Variants in NLRC3 observed in about 807,000 individuals in gnomAD.
NLRC3 encodes NLR family CARD domain-containing protein 3.
In NLRC3, 87 loss-of-function variants were observed where a neutral mutation model predicts 91.6. That is an observed-to-expected ratio of 0.95 (90% CI 0.80 to 1.14). The LOEUF is 1.14. Among genes scored for constraint, NLRC3 ranks in the 50% most tolerant of loss-of-function variants. The pLI is 0.00. For missense variants in NLRC3, 1,577 were observed against 1,418.6 expected (o/e 1.11, Z -1.79); for synonymous variants, 694 against 625.3 (o/e 1.11, Z -1.64).
chr16:3,574,906 G>C (rs1310705857), intron 1 of NLRC3, among the ~76,000 whole-genome samples: 1 of 152,164 alleles, frequency 6.6e-6, no homozygotes, highest in Non-Finnish European at 1.5e-5. Flanking sequence ...AGGCTGCAGT[G>C]AGCCAAGATC....
intron 6 of NLRC3, among the ~76,000 whole-genome samples, chr16:3,558,235 T>G (rs1367360576): frequency 6.6e-6 from 1 of 152,072 alleles, no homozygotes; most frequent in African/African-American, 2.4e-5. Flanking sequence ...CTTGGGAGGC[T>G]GAGGAGGGAG....
chr16:3,556,986 C>G lies in NLRC3; in HGVS notation c.2108G>C (p.Gly703Ala), dbSNP rs759172440. Reference sequence around the variant, plus strand: ...GGCCCCTTGTGGTCCAATGGAGTTACCGCGGAGGCTGAAGGAAGAGAGAAA... The same window carrying G: ...GGCCCCTTGTGGTCCAATGGAGTTAGCGCGGAGGCTGAAGGAAGAGAGAAA... The part of the protein sequence containing the change: ...NRSLTSLDLR[G>A]NSIGPQGAKA... Residue 703 changes from glycine to alanine, a missense_variant, in exon 8 of 20, where the codon GGT becomes GCT. Transcript: ENST00000359128. 1 of 1,612,648 alleles carries G rather than the reference C, an allele frequency of 6.2e-7. No individual in the cohort carries two copies. Among genetic ancestry groups the G allele is most frequent in the South Asian group, 1.1e-5 (1 of 91,038 alleles).
At chr16:3,565,713 T>G (rs2039853039) in intron 2 of NLRC3, among the ~76,000 whole-genome samples, 1 of 152,046 alleles carries the variant, frequency 6.6e-6, no homozygotes, top group African/African-American at 2.4e-5. Flanking sequence ...ATTATCATTA[T>G]ACATTTGTCC....
rs954914913 is a variant in NLRC3 at position 3,564,683 on chromosome 16, T to C, written c.254A>G (p.His85Arg). The C allele has an allele frequency of 1.2e-6, 2 of 1,602,776 alleles. No individual in the cohort carries two copies. The highest frequency in any genetic ancestry group is 1.7e-6 in the Non-Finnish European group (2 of 1,179,194). Residue 85 changes from histidine to arginine, a missense_variant, in exon 5 of 20, where the codon CAC (histidine) becomes CGC (arginine). Coordinates refer to ENST00000359128, the MANE Select transcript of NLRC3 (RefSeq NM_178844.4). This position sits in a 1 kb window ranked among gnomAD's most constrained non-coding sequence, Gnocchi z 5.9. The part of the protein sequence containing the change: ...GGGPELGGPW[H>R]RLASLLLVEG... Reference sequence around the variant, plus strand: ...CACCAGCAGGAGGGAGGCCAGCCTGTGCCAGGGTCCGCCCAGCTCCGGGCC... The same window carrying C: ...CACCAGCAGGAGGGAGGCCAGCCTGCGCCAGGGTCCGCCCAGCTCCGGGCC...
Position 3,541,801 on chromosome 16 carries a change from A to G in NLRC3, c.*24T>C, listed in dbSNP as rs1341110485. 6.5e-7 allele frequency: 1 copy of G among 1,528,564 alleles called. No individual in the cohort carries two copies. Among genetic ancestry groups the G allele is most frequent in the South Asian group, 1.1e-5 (1 of 87,612 alleles). 94.7% of individuals were successfully genotyped at this position (1,528,564 alleles called of 1,614,324 possible). On this transcript the variant is annotated 3_prime_UTR_variant, in exon 20 of 20. Coordinates refer to ENST00000359128, the MANE Select transcript of NLRC3 (RefSeq NM_178844.4). Reference sequence around the variant, plus strand: ...AAAGCTTCCAGCTGAGCATCTGCCCATTCTCCTGATCCGTCCACCAGGATC... The same window carrying G: ...AAAGCTTCCAGCTGAGCATCTGCCCGTTCTCCTGATCCGTCCACCAGGATC...
At chr16:3,569,395 T>TATATATATATATA (rs1491362144) in intron 1 of NLRC3, among the ~76,000 whole-genome samples, 4 of 47,732 alleles carry the variant, frequency 8.4e-5, no homozygotes, top group African/African-American at 3.0e-4. Flanking sequence ...TATATATATA[T>TATATATATATATA]TATTTTTTTT....
At chr16:3,550,642 G>A in intron 10 of NLRC3, 145 bp from the exon 11 acceptor site, 1 of 630,234 alleles carries the variant, frequency 1.6e-6, no homozygotes, top group South Asian at 1.9e-5. Flanking sequence ...TCTGCCTGAG[G>A]CCTGTTGGCT....
chr16:3,542,851 G>T, intron 17 of NLRC3, 76 bp from the exon 18 acceptor site: 1 of 962,276 alleles, frequency 1.0e-6, no homozygotes, highest in Non-Finnish European at 1.6e-6. Flanking sequence ...GGGTGGGCTT[G>T]GGGCTGCTTG....
intron 14 of NLRC3, 54 bp downstream of exon 14, chr16:3,548,616 G>A (rs1350422808): frequency 2.3e-6 from 3 of 1,328,396 alleles, no homozygotes; most frequent in Admixed American, 4.0e-5. Context: ...TTTGGGTGGA[G>A]CCCGGCAGCT....
In NLRC3 at chr16:3,564,848, G is replaced by T; in HGVS notation, c.178+11C>A. On this transcript the variant is annotated intron_variant, in intron 4 of 19. Coordinates refer to ENST00000359128, the MANE Select transcript of NLRC3 (RefSeq NM_178844.4). The surrounding 1 kb of genome is among the most constrained non-coding windows in gnomAD (Gnocchi z 5.9). ...TCCCCACCCCGCGTCTGCCTCCCAA[G>T]CCGGTCCTACCATTGCTGCAGGGCC... The T allele has an allele frequency of 6.3e-7, 1 of 1,596,666 alleles. No individual in the cohort carries two copies. The highest frequency in any genetic ancestry group is 1.1e-5 in the South Asian group (1 of 90,514).
intron 8 of NLRC3, chr16:3,555,742 T>G (rs1483690439): frequency 7.0e-6 from 1 of 143,390 alleles, no homozygotes; most frequent in Non-Finnish European, 1.6e-5. Context: ...TTTTGTACTT[T>G]TCTTTTCTTT....
intron 6 of NLRC3, 31 bp downstream of exon 6, chr16:3,561,671 G>A (rs2039618077): frequency 1.4e-6 from 2 of 1,456,974 alleles, no homozygotes; most frequent in African/African-American, 1.4e-5. Context: ...AAGACCATAG[G>A]CACCCTGGAG....
chr16:3,577,021 T>C (rs1187812100), intron 1 of NLRC3, 128 bp downstream of exon 1: 2 of 680,932 alleles, frequency 2.9e-6, no homozygotes, highest in Non-Finnish European at 5.3e-6. Context: ...AGACAGCTTC[T>C]TGGAGTCTCG....
At chr16:3,544,593 G>T (rs1225083801) in intron 15 of NLRC3, 9 of 435,088 alleles carry the variant, frequency 2.1e-5, no homozygotes, top group African/African-American at 4.0e-5. Context: ...GTCAGCAGGG[G>T]CTTGGGACCC....
intron 9 of NLRC3, among the ~76,000 whole-genome samples, chr16:3,552,627 A>T (rs534101755): frequency 9.9e-5 from 15 of 152,268 alleles, no homozygotes; most frequent in South Asian, 6.2e-4. Context: ...CTAGACCAGC[A>T]GGCTGCCTCC....
rs1202589763 is a variant in NLRC3 at position 3,563,691 on chromosome 16, A to G, written c.1246T>C (p.Tyr416His). 1 of 1,613,736 alleles carries G rather than the reference A, an allele frequency of 6.2e-7. No individual in the cohort carries two copies. The highest frequency in any genetic ancestry group is 8.5e-7 in the Non-Finnish European group (1 of 1,179,862). The change falls in exon 5 of 20, where the codon TAC becomes CAC. Residue 416 changes from tyrosine to histidine, a missense_variant. By Grantham distance (83) the Tyr-to-His change is moderately conservative (BLOSUM62 2). Coordinates refer to ENST00000359128, the MANE Select transcript of NLRC3 (RefSeq NM_178844.4). ...HGLLKKKYVF[Y>H]EQDMKAFGVD... ...CCAAACGCCTTCATGTCTTGCTCGT[A>G]AAACACGTATTTCTTCTTGAGCAGC...
chr16:3,551,754 C>CCCATTCTT (rs147150757), intron 10 of NLRC3, among the ~76,000 whole-genome samples: 6 of 150,042 alleles, frequency 4.0e-5, no homozygotes, highest in Non-Finnish European at 8.9e-5. Flanking sequence ...CATCCATTCA[C>CCCATTCTT]CAGTCCTCTC....
intron 9 of NLRC3, among the ~76,000 whole-genome samples, chr16:3,553,032 G>C (rs1171373867): frequency 5.3e-5 from 8 of 152,224 alleles, no homozygotes; most frequent in Non-Finnish European, 1.0e-4. Flanking sequence ...ATCTGGTGGA[G>C]GGAGACAGCA....
chr16:3,569,392 A>AC (rs1555446799), intron 1 of NLRC3, among the ~76,000 whole-genome samples: 3 of 55,538 alleles, frequency 5.4e-5, no homozygotes, highest in Admixed American at 3.2e-4. Context: ...ATATATATAT[A>AC]TATTATTTTT....
Sources: allele counts gnomAD v4.1 joint callset (sites outside exome capture counted in the v4.1 genomes callset), GRCh38; gene constraint gnomAD v4.1.1; non-coding constraint Gnocchi (gnomAD v3.1); transcripts MANE v1.5; gene names NCBI Gene and HGNC (gene_info 2026-07-23, HGNC 2026-07-21).